The following KCNAB1 variants were observed in gnomAD, a reference collection of about 807,000 sequenced individuals.
KCNAB1 encodes potassium voltage-gated channel subfamily A regulatory beta subunit 1.
KCNAB1 carries 35 observed loss-of-function variants against 64.6 expected under a neutral mutation model. The observed-to-expected ratio is 0.54, with a 90% CI of 0.41 to 0.72. The LOEUF (loss-of-function observed/expected upper bound fraction) is 0.72, where lower values mean the gene tolerates loss of function less well. KCNAB1 is among the 30% of genes least tolerant of loss of function. The probability of loss-of-function intolerance (pLI) is 0.00; values close to 1 mark genes in which losing one functional copy is unlikely to be tolerated. For synonymous variants in KCNAB1, 177 were observed against 183.8 expected, an observed-to-expected ratio of 0.96 and a Z score of 0.30; for missense variants, 401 against 512.9, an observed-to-expected ratio of 0.78 and a Z score of 2.11.
intron 1 of KCNAB1, among the ~76,000 whole-genome samples, chr3:156,124,605 A>G (rs1713543533): frequency 6.6e-6 from 1 of 152,084 alleles, no homozygotes; most frequent in African/African-American, 2.4e-5. Context: ...AGATATGCAA[A>G]TATATATTTA....
chr3:156,490,563 AAAGATTTTAC>A (rs951757256), intron 8 of KCNAB1, among the ~76,000 whole-genome samples: 12 of 152,174 alleles, frequency 7.9e-5, no homozygotes, highest in Non-Finnish European at 1.2e-4. Context: ...AGAACTAGAA[AAAGATTTTAC>A]ATATTTAAAA....
chr3:156,353,727 GGA>G lies in KCNAB1; in HGVS notation c.276-67887_276-67886del, dbSNP rs539509513. 2.6e-5 allele frequency among the ~76,000 whole-genome samples: 4 copies of G among 152,324 alleles called. No homozygotes were observed. The South Asian group carries it at 8.3e-4, about 32-fold the overall frequency. On this transcript the variant is annotated intron_variant, in intron 1 of 13. Transcript: ENST00000490337. The stretch of plus-strand genomic sequence containing the variant: ...TTCCCTGCCACATGGGCCTCTCTAG[GGA>G]GCAGTTCACAACAGGGAGGCTGGCT...
At chr3:156,534,555 G>C (rs1718924865) in intron 13 of KCNAB1, among the ~76,000 whole-genome samples, 1 of 152,238 alleles carries the variant, frequency 6.6e-6, no homozygotes, top group Middle Eastern at 3.4e-3. Context: ...CACCTTCCTG[G>C]AATCTGAATC....
At chr3:156,536,277 C>T (rs1229650558) in intron 13 of KCNAB1, among the ~76,000 whole-genome samples, 1 of 152,146 alleles carries the variant, frequency 6.6e-6, no homozygotes, top group South Asian at 2.1e-4. Flanking sequence ...AGTATCTTTT[C>T]TATATTGATT....
At chr3:156,272,782 T>C (rs1719112220) in intron 1 of KCNAB1, among the ~76,000 whole-genome samples, 1 of 151,790 alleles carries the variant, frequency 6.6e-6, no homozygotes, top group Admixed American at 6.6e-5. Flanking sequence ...AGAAGGAATC[T>C]CTTCTCATAG....
At chr3:156,370,663 A>G (rs1726243012) in intron 1 of KCNAB1, among the ~76,000 whole-genome samples, 1 of 150,428 alleles carries the variant, frequency 6.6e-6, no homozygotes, top group Non-Finnish European at 1.5e-5. Flanking sequence ...TGAGCTCCAC[A>G]ATGGAGGAAT....
chr3:156,266,109 T>C (rs538783680), intron 1 of KCNAB1, among the ~76,000 whole-genome samples: 1 of 152,374 alleles, frequency 6.6e-6, no homozygotes, highest in East Asian at 1.9e-4. Flanking sequence ...TTAAGCTTTA[T>C]GCCTCTCTTC....
At chr3:156,510,150 A>T (rs1316844600) in intron 8 of KCNAB1, among the ~76,000 whole-genome samples, 1 of 152,194 alleles carries the variant, frequency 6.6e-6, no homozygotes, top group African/African-American at 2.4e-5. Context: ...TTCTCTTCAG[A>T]GTCAAAACTA....
rs755645305 is a variant in KCNAB1 at position 156,122,453 on chromosome 3, AG to A, written c.275+1568del. On this transcript the variant is annotated intron_variant, in intron 1 of 13. Coordinates refer to ENST00000490337, the MANE Select transcript of KCNAB1 (RefSeq NM_172160.3). ...TCTGACATTGGAACAACATTGAACA[AG>A]TCAGAGTGGCATATTAGTTAAGGTA... 1.2e-3 allele frequency among the ~76,000 whole-genome samples: 188 copies of A among 152,352 alleles called. 1 individual carries two copies. The highest frequency in any genetic ancestry group is 1.7e-3 in the Non-Finnish European group (115 of 68,024).
At chr3:156,143,023 C>T (rs567045909) in intron 1 of KCNAB1, 19 of 1,338,364 alleles carry the variant, frequency 1.4e-5, no homozygotes, top group African/African-American at 4.5e-5. Flanking sequence ...GGAGCCTGCT[C>T]GCCTACAAAA....
chr3:156,158,178 A>AT (rs1715852534), intron 1 of KCNAB1, among the ~76,000 whole-genome samples: 2 of 43,912 alleles, frequency 4.6e-5, no homozygotes, highest in African/African-American at 1.3e-4. Flanking sequence ...AAAAAAAATA[A>AT]AAAATAAATA....
At chr3:156,494,007 T>C (rs550745675) in intron 8 of KCNAB1, among the ~76,000 whole-genome samples, 11 of 152,240 alleles carry the variant, frequency 7.2e-5, no homozygotes, top group Middle Eastern at 3.4e-3. Flanking sequence ...TAAGTCTCTT[T>C]GGGGGAGATA....
At chr3:156,182,309 G>C (rs1712865968) in intron 1 of KCNAB1, among the ~76,000 whole-genome samples, 1 of 152,120 alleles carries the variant, frequency 6.6e-6, no homozygotes, top group Non-Finnish European at 1.5e-5. Flanking sequence ...TCAGAATTTT[G>C]CTTATTTTAT....
chr3:156,407,414 T>C (rs1714320931), intron 1 of KCNAB1, among the ~76,000 whole-genome samples: 1 of 152,222 alleles, frequency 6.6e-6, no homozygotes, highest in South Asian at 2.1e-4. Flanking sequence ...CTATCATTCA[T>C]TGAAGTTATT....
intron 1 of KCNAB1, among the ~76,000 whole-genome samples, chr3:156,263,397 A>C (rs952607548): frequency 4.6e-5 from 7 of 152,036 alleles, no homozygotes; most frequent in African/African-American, 1.7e-4. Context: ...TTTATTTAGA[A>C]TAGTCCTATT....
At chr3:156,274,586 A>G (rs1170698045) in intron 1 of KCNAB1, among the ~76,000 whole-genome samples, 1 of 152,204 alleles carries the variant, frequency 6.6e-6, no homozygotes, top group Non-Finnish European at 1.5e-5. Flanking sequence ...TAAAAAAATA[A>G]CTATCTCTGT....
intron 1 of KCNAB1, among the ~76,000 whole-genome samples, chr3:156,247,139 T>C (rs1486168953): frequency 6.6e-6 from 1 of 151,708 alleles, no homozygotes; most frequent in Non-Finnish European, 1.5e-5. Flanking sequence ...CTGCAGTCAG[T>C]TGGCAGACTG....
intron 1 of KCNAB1, among the ~76,000 whole-genome samples, chr3:156,275,251 T>C (rs1033725110): frequency 6.6e-6 from 1 of 152,242 alleles, no homozygotes; most frequent in African/African-American, 2.4e-5. Flanking sequence ...AAATGTACAA[T>C]AGCATGTCTA....
At chr3:156,513,056 C>G (rs1717318522) in intron 8 of KCNAB1, among the ~76,000 whole-genome samples, 1 of 152,126 alleles carries the variant, frequency 6.6e-6, no homozygotes, top group South Asian at 2.1e-4. Context: ...ACCAAAAATA[C>G]AAAAAGTTAG....
Sources: allele counts gnomAD v4.1 joint callset (sites outside exome capture counted in the v4.1 genomes callset), GRCh38; gene constraint gnomAD v4.1.1; transcripts MANE v1.5; gene names NCBI Gene and HGNC (gene_info 2026-07-23, HGNC 2026-07-21).